SAXO1: variants seen among roughly 807,000 people sequenced by gnomAD.
SAXO1 encodes 4930500O09Rik.
Under a neutral mutation model 17.5 loss-of-function variants are expected in SAXO1, and 21 were observed. The observed-to-expected ratio is 1.20, with a 90% confidence interval of 0.85 to 1.72. SAXO1 has a LOEUF of 1.72. SAXO1 is among the 40% of genes most tolerant of loss of function. The pLI is 0.00. For missense variants in SAXO1, 843 were observed against 596.0 expected (o/e 1.41, Z -4.32); for synonymous variants, 274 against 216.5 (o/e 1.27, Z -2.33).
intron 1 of SAXO1, among the ~76,000 whole-genome samples, chr9:19,004,675 T>C (rs892313409): frequency 6.6e-6 from 1 of 151,940 alleles, no homozygotes; most frequent in Non-Finnish European, 1.5e-5. Flanking sequence ...ATGAGAACAC[T>C]TGGACACAGG....
chr9:18,962,400 G>C (rs572730565), intron 1 of SAXO1, among the ~76,000 whole-genome samples: 1 of 152,318 alleles, frequency 6.6e-6, no homozygotes, highest in South Asian at 2.1e-4. Flanking sequence ...CTAATGACCA[G>C]TGATGAGCTT....
chr9:18,938,821 C>CGTGTGTGTGTGTGTGT (rs67090530), intron 3 of SAXO1, among the ~76,000 whole-genome samples: 4 of 78,510 alleles, frequency 5.1e-5, no homozygotes, highest in African/African-American at 1.9e-4. Flanking sequence ...TGCGTGCGTG[C>CGTGTGTGTGTGTGTGT]GTGTGTGTGT....
At chr9:19,014,282 G>C (rs541122447) in intron 1 of SAXO1, among the ~76,000 whole-genome samples, 3 of 151,802 alleles carry the variant, frequency 2.0e-5, no homozygotes, top group Non-Finnish European at 2.9e-5. Flanking sequence ...CCAACGTGGA[G>C]AAACCCTATC....
upstream of SAXO1, among the ~76,000 whole-genome samples, chr9:19,038,000 G>GA (rs1835983989): frequency 6.6e-6 from 1 of 152,126 alleles, no homozygotes; most frequent in African/African-American, 2.4e-5. Flanking sequence ...TGTGTATCAT[G>GA]AAAAAATGCT....
At chr9:18,958,708 G>A (rs1832355801) in intron 1 of SAXO1, among the ~76,000 whole-genome samples, 1 of 152,038 alleles carries the variant, frequency 6.6e-6, no homozygotes, top group Non-Finnish European at 1.5e-5. Flanking sequence ...TTAGGATGGG[G>A]GTGGGGTGAA....
At chr9:18,966,903 T>C (rs1275341050) in intron 1 of SAXO1, among the ~76,000 whole-genome samples, 3 of 152,242 alleles carry the variant, frequency 2.0e-5, no homozygotes, top group Non-Finnish European at 4.4e-5. Context: ...ATCTTTGATG[T>C]TGGTGACCTT....
intron 1 of SAXO1, among the ~76,000 whole-genome samples, chr9:19,005,844 GA>G (rs1478945972): frequency 5.9e-5 from 9 of 152,110 alleles, no homozygotes; most frequent in African/African-American, 1.9e-4. Flanking sequence ...TACAGGCTGG[GA>G]AAAAATTTGC....
upstream of SAXO1, among the ~76,000 whole-genome samples, chr9:19,035,895 C>T (rs960633548): frequency 1.3e-5 from 2 of 152,154 alleles, no homozygotes; most frequent in African/African-American, 4.8e-5. Context: ...GACTTGGGTG[C>T]TGTTAAAGGC....
chr9:19,003,190 T>C (rs1227057179), intron 1 of SAXO1, among the ~76,000 whole-genome samples: 1 of 152,152 alleles, frequency 6.6e-6, no homozygotes, highest in African/African-American at 2.4e-5. Context: ...TTACAAGGGA[T>C]GTAAAGGACC....
chr9:19,000,507 T>C (rs73433240), intron 1 of SAXO1, among the ~76,000 whole-genome samples: 1,871 of 150,880 alleles, frequency 0.012, 41 homozygotes, highest in African/African-American at 0.043. Flanking sequence ...GTCTGGGAAG[T>C]GAGGGGTGCC....
chr9:19,016,549 T>G (rs1195384337), intron 1 of SAXO1, among the ~76,000 whole-genome samples: 1 of 149,872 alleles, frequency 6.7e-6, no homozygotes, highest in African/African-American at 2.5e-5. Context: ...CATGTGGCAA[T>G]GTGCAGACAC....
chr9:18,931,551 G>A lies in SAXO1; in HGVS notation c.422-2496C>T, dbSNP rs558075753. Among the ~76,000 whole-genome samples the A allele has an allele frequency of 1.1e-4, 17 of 152,284 alleles. No individual in the cohort carries two copies. The East Asian group carries it at 3.1e-3, about 28-fold the overall frequency. The stretch of plus-strand genomic sequence containing the variant: ...TAAAGTGAAATTGCTAGGTTGTATA[G>A]AAAAATCTATCTTTAGCTTTTTAAA... On this transcript the variant is annotated intron_variant, in intron 3 of 3. Transcript: ENST00000380534.
chr9:19,023,140 T>TCCCCCCCCCCCCCCCCCC (rs200594848), intron 1 of SAXO1, among the ~76,000 whole-genome samples: 5 of 100,826 alleles, frequency 5.0e-5, no homozygotes, highest in African/African-American at 7.7e-5. Context: ...CCAGATTACA[T>TCCCCCCCCCCCCCCCCCC]CCCCCCCCAC....
At chr9:18,941,242 G>C (rs1355761056) in intron 3 of SAXO1, among the ~76,000 whole-genome samples, 4 of 152,068 alleles carry the variant, frequency 2.6e-5, no homozygotes, top group Non-Finnish European at 5.9e-5. Context: ...TAAGAGCCAG[G>C]TATTAAGTGT....
intron 1 of SAXO1, among the ~76,000 whole-genome samples, chr9:18,985,440 A>G (rs915350480): frequency 5.3e-5 from 8 of 152,244 alleles, no homozygotes; most frequent in African/African-American, 1.4e-4. Context: ...GCGATAAAGC[A>G]AAGCACAGTA....
Position 18,941,777 on chromosome 9 carries a change from G to A in SAXO1, c.281C>T (p.Pro94Leu), listed in dbSNP as rs146125443. The A allele has an allele frequency of 6.4e-5, 104 of 1,614,064 alleles. 1 individual carries two copies. The African/African-American group carries it at 9.3e-4, about 14-fold the overall frequency. ...VKVHQYDQFV[P>L]SEENMDLLTT... ...GAGCAAATCCATATTCTCTTCACTCGGGACGAACTGGTCATACTGGTGGAC... is the reference window on the plus strand; with the variant it reads ...GAGCAAATCCATATTCTCTTCACTCAGGACGAACTGGTCATACTGGTGGAC... Residue 94 changes from proline (P) to leucine (L), a missense_variant, in exon 3 of 4, where the codon CCG becomes CTG. By Grantham distance (98) the Pro-to-Leu change is moderately conservative. Coordinates refer to ENST00000380534, the MANE Select transcript of SAXO1 (RefSeq NM_153707.4).
chr9:18,950,843 G>C lies in SAXO1; in HGVS notation c.133C>G (p.His45Asp). 1 of 1,613,856 alleles carries C rather than the reference G, an allele frequency of 6.2e-7. No individual in the cohort carries two copies. The highest frequency in any genetic ancestry group is 8.5e-7 in the Non-Finnish European group (1 of 1,179,778). The change falls in exon 2 of 4, where the codon CAC becomes GAC. Residue 45 changes from histidine (H) to aspartate (D), a missense_variant. Coordinates refer to ENST00000380534, the MANE Select transcript of SAXO1 (RefSeq NM_153707.4). ...SEYTENYPFY[H>D]SYLPRESFKP... Reference sequence around the variant, plus strand: ...AAGGACTCTCTGGGCAGGTAGGAGTGATAGAAAGGGTAGTTCTCGGTATAT... The same window carrying C: ...AAGGACTCTCTGGGCAGGTAGGAGTCATAGAAAGGGTAGTTCTCGGTATAT...
At chr9:19,012,153 T>A (rs993812872) in intron 1 of SAXO1, among the ~76,000 whole-genome samples, 2 of 152,212 alleles carry the variant, frequency 1.3e-5, no homozygotes, top group African/African-American at 4.8e-5. Context: ...AAGGATAGAT[T>A]TTTTTTAATG....
chr9:18,973,030 C>A (rs530175672), intron 1 of SAXO1, among the ~76,000 whole-genome samples: 1 of 152,208 alleles, frequency 6.6e-6, no homozygotes, highest in Non-Finnish European at 1.5e-5. Context: ...CATAAAGCCA[C>A]CCCTGGCTGC....
Sources: gnomAD v4.1 joint callset for allele counts (sites outside exome capture counted in the v4.1 genomes callset) on GRCh38, gnomAD v4.1.1 for gene constraint, MANE v1.5 for transcripts, NCBI Gene and HGNC (gene_info 2026-07-23, HGNC 2026-07-21) for gene names.